The following SORCS2 variants were observed in gnomAD, a reference collection of about 807,000 sequenced individuals.
The protein encoded by SORCS2 is VPS10 domain-containing receptor SorCS2.
Under a neutral mutation model 141.6 loss-of-function variants are expected in SORCS2, and 100 were observed. The ratio of observed to expected loss-of-function variants is 0.71; its 90% CI spans 0.60 to 0.83. The LOEUF is 0.83. Among genes scored for constraint, SORCS2 ranks in the 40% least tolerant of loss-of-function variants. The pLI is 0.00. For missense variants in SORCS2, 1,646 were observed against 1,560.2 expected (o/e 1.05, Z -0.93); for synonymous variants, 789 against 676.9 (o/e 1.17, Z -2.57).
At chr4:7,445,242 G>T (rs569199075) in intron 2 of SORCS2, among the ~76,000 whole-genome samples, 122 of 152,340 alleles carry the variant, frequency 8.0e-4, no homozygotes, top group African/African-American at 2.7e-3. Context: ...TTGGGACTTG[G>T]CAGTAAGGGC....
chr4:7,714,492 A>T lies in SORCS2; in HGVS notation c.2123+119A>T, dbSNP rs544491310. The T allele has an allele frequency of 2.7e-5, 29 of 1,085,990 alleles. No homozygotes were observed. In the East Asian group the frequency reaches 6.5e-4, roughly 24 times the overall value. The allele number at this position is 1,085,990 out of a possible 1,614,324, so 67.3% of individuals were successfully genotyped here. A position where few individuals can be genotyped will look rare whatever the true frequency, so the allele number is the denominator to read the frequency against. ...TCAGCGCCTTTTATAACCTGGTGTC[A>T]CAGTCGCACACTGCCACTTCTGCCT... is the stretch of plus-strand genomic sequence containing the variant. On this transcript the variant is annotated intron_variant, in intron 16 of 26. Coordinates refer to ENST00000507866, the MANE Select transcript of SORCS2 (RefSeq NM_020777.3).
chr4:7,740,062 G>A, intron 26 of SORCS2, 138 bp from the exon 27 acceptor site: 1 of 689,404 alleles, frequency 1.5e-6, no homozygotes, highest in Non-Finnish European at 2.6e-6. Context: ...CCCTGCACCT[G>A]CACGGGCTGA....
At position 7,409,683 on chromosome 4, in the gene SORCS2, G is replaced by C. The variant is rs73084262; in HGVS notation, c.548+13328G>C. ...GTGGTAAGTTTTCTGCAGGCTCAGT[G>C]CCAGGCAGGATGGGGACAGAGGCAT... On this transcript the variant is annotated intron_variant, in intron 2 of 26. Transcript: ENST00000507866. 3.2e-3 allele frequency among the ~76,000 whole-genome samples: 490 copies of C among 152,314 alleles called. 4 individuals carry two copies. The highest frequency in any genetic ancestry group is 0.011 in the African/African-American group (441 of 41,576).
intron 3 of SORCS2, among the ~76,000 whole-genome samples, chr4:7,544,661 C>G (rs959193254): frequency 2.6e-5 from 4 of 152,246 alleles, no homozygotes; most frequent in Admixed American, 6.5e-5. Context: ...CAGCACAAAA[C>G]AAGAGACAGA....
At chr4:7,350,686 G>A (rs1720887463) in intron 1 of SORCS2, among the ~76,000 whole-genome samples, 1 of 152,244 alleles carries the variant, frequency 6.6e-6, no homozygotes, top group African/African-American at 2.4e-5. Context: ...TGGGAGGCCT[G>A]AGATTTTCAC....
intron 1 of SORCS2, among the ~76,000 whole-genome samples, chr4:7,257,396 G>T (rs78442303): frequency 6.6e-6 from 1 of 152,126 alleles, no homozygotes; most frequent in African/African-American, 2.4e-5. Flanking sequence ...GGAACTCCCC[G>T]GGGCTCCAAG....
intron 3 of SORCS2, among the ~76,000 whole-genome samples, chr4:7,562,898 AG>A (rs1363832270): frequency 2.6e-5 from 4 of 152,220 alleles, no homozygotes; most frequent in African/African-American, 9.6e-5. Context: ...CATTGGATTT[AG>A]GGTCTAGCCT....
At chr4:7,498,451 G>A (rs1254274774) in intron 2 of SORCS2, among the ~76,000 whole-genome samples, 3 of 152,230 alleles carry the variant, frequency 2.0e-5, no homozygotes, top group Non-Finnish European at 2.9e-5. Flanking sequence ...ACTGCTGGGC[G>A]ACAACACCTC....
intron 1 of SORCS2, among the ~76,000 whole-genome samples, chr4:7,234,950 C>T (rs537688605): frequency 4.2e-4 from 64 of 152,308 alleles, no homozygotes; most frequent in African/African-American, 1.5e-3. Context: ...CTAGGCTGGG[C>T]CTGAAGTCTT....
chr4:7,632,309 C>T (rs1229320623), intron 3 of SORCS2, among the ~76,000 whole-genome samples: 7 of 152,160 alleles, frequency 4.6e-5, no homozygotes, highest in African/African-American at 1.7e-4. Context: ...CTCCTGGGCC[C>T]CCAGAACCCA....
At chr4:7,491,096 C>T (rs191267001) in intron 2 of SORCS2, among the ~76,000 whole-genome samples, 12 of 152,294 alleles carry the variant, frequency 7.9e-5, no homozygotes, top group Middle Eastern at 3.4e-3. Flanking sequence ...ATCCACTCCC[C>T]GGCTCTCCTG....
intron 1 of SORCS2, among the ~76,000 whole-genome samples, chr4:7,276,107 C>T (rs929676106): frequency 2.0e-5 from 3 of 152,328 alleles, no homozygotes; most frequent in South Asian, 2.1e-4. Flanking sequence ...TGAGCAGCCA[C>T]TGTTGCAAGT....
intron 3 of SORCS2, among the ~76,000 whole-genome samples, chr4:7,553,400 C>G (rs192081554): frequency 6.6e-6 from 1 of 152,118 alleles, no homozygotes; most frequent in African/African-American, 2.4e-5. Context: ...ATTTTCAGTA[C>G]TGAATTTCAA....
intron 2 of SORCS2, among the ~76,000 whole-genome samples, chr4:7,436,742 G>T (rs1456562768): frequency 6.6e-6 from 1 of 152,202 alleles, no homozygotes; most frequent in Non-Finnish European, 1.5e-5. Flanking sequence ...CACCATGGTG[G>T]ATTTGTCTAC....
At chr4:7,598,574 A>G (rs1717439232) in intron 3 of SORCS2, among the ~76,000 whole-genome samples, 1 of 152,166 alleles carries the variant, frequency 6.6e-6, no homozygotes. Context: ...TGGGCAAGGC[A>G]TGGCGGCTGT....
chr4:7,291,821 G>T (rs1716621709), intron 1 of SORCS2, among the ~76,000 whole-genome samples: 1 of 152,214 alleles, frequency 6.6e-6, no homozygotes, highest in African/African-American at 2.4e-5. Flanking sequence ...ATGCAAAGAG[G>T]AAGGTCTCCA....
chr4:7,483,329 A>G (rs1179808064), intron 2 of SORCS2, among the ~76,000 whole-genome samples: 1 of 151,434 alleles, frequency 6.6e-6, no homozygotes, highest in Non-Finnish European at 1.5e-5. Context: ...TCTCAAAAAA[A>G]AAAAAAAAAA....
At chr4:7,429,584 G>T (rs759091565) in intron 2 of SORCS2, among the ~76,000 whole-genome samples, 5 of 152,206 alleles carry the variant, frequency 3.3e-5, no homozygotes, top group Non-Finnish European at 7.3e-5. Flanking sequence ...GTCATGGAAG[G>T]ACTTGCCTAG....
At chr4:7,627,480 T>A (rs739777) in intron 3 of SORCS2, among the ~76,000 whole-genome samples, 19,762 of 152,206 alleles carry the variant, frequency 0.13, 1,411 homozygotes, top group Middle Eastern at 0.18. Flanking sequence ...GGGGGGTGAA[T>A]GGGGCCCTCG....
Sources: allele counts gnomAD v4.1 joint callset (sites outside exome capture counted in the v4.1 genomes callset), GRCh38; gene constraint gnomAD v4.1.1; transcripts MANE v1.5; gene names NCBI Gene and HGNC (gene_info 2026-07-23, HGNC 2026-07-21).